The following EPHA6 variants were observed in gnomAD, a reference collection of about 807,000 sequenced individuals.
The protein encoded by EPHA6 is ephrin type-A receptor 6.
A neutral mutation model predicts 112.0 loss-of-function variants in EPHA6; 50 were observed. That is an observed-to-expected ratio of 0.45 (90% CI 0.36 to 0.56). The LOEUF is 0.56. Ranked by LOEUF, EPHA6 falls within the 20% of genes least tolerant of loss-of-function variation. The probability of loss-of-function intolerance (pLI) is 0.00; values close to 1 mark genes in which losing one functional copy is unlikely to be tolerated. For synonymous variants in EPHA6, 529 were observed against 490.7 expected (o/e 1.08, Z -1.03); for missense variants, 1,280 against 1,417.4 (o/e 0.90, Z 1.56).
intron 3 of EPHA6, among the ~76,000 whole-genome samples, chr3:97,135,976 T>C (rs1416926732): frequency 2.6e-5 from 4 of 152,172 alleles, no homozygotes; most frequent in African/African-American, 4.8e-5. Context: ...CTGCATTATA[T>C]AGACGGAGTC....
chr3:97,481,616 C>T (rs1286773919), intron 9 of EPHA6: 3 of 481,224 alleles, frequency 6.2e-6, no homozygotes, highest in South Asian at 3.8e-5. Context: ...GCAGCTGTTG[C>T]GCCCTCCCTA....
At chr3:97,197,237 A>G (rs1325575082) in intron 3 of EPHA6, among the ~76,000 whole-genome samples, 1 of 151,998 alleles carries the variant, frequency 6.6e-6, no homozygotes, top group Non-Finnish European at 1.5e-5. Flanking sequence ...CTCAAACAGA[A>G]AGAATCTCTC....
intron 1 of EPHA6, among the ~76,000 whole-genome samples, chr3:96,817,958 C>T (rs1054760424): frequency 5.9e-5 from 9 of 151,844 alleles, no homozygotes; most frequent in Non-Finnish European, 1.3e-4. Context: ...TTCCTATGAA[C>T]CAAACCTCCT....
chr3:96,956,398 A>C (rs1402360281), intron 2 of EPHA6, among the ~76,000 whole-genome samples: 4 of 152,218 alleles, frequency 2.6e-5, no homozygotes, highest in Non-Finnish European at 5.9e-5. Flanking sequence ...GCAGAATTCA[A>C]ATGGAAACAA....
chr3:97,513,034 G>A (rs1330031341), intron 10 of EPHA6, among the ~76,000 whole-genome samples: 1 of 152,052 alleles, frequency 6.6e-6, no homozygotes, highest in Non-Finnish European at 1.5e-5. Flanking sequence ...TACCGATGCA[G>A]GTGTCTATCA....
At chr3:97,314,152 A>C (rs1288165782) in intron 5 of EPHA6, among the ~76,000 whole-genome samples, 1 of 151,466 alleles carries the variant, frequency 6.6e-6, no homozygotes, top group African/African-American at 2.4e-5. Context: ...TCCATTGTGT[A>C]TTCTTGGCAC....
chr3:96,970,736 A>T (rs2042286529), intron 2 of EPHA6, among the ~76,000 whole-genome samples: 1 of 152,066 alleles, frequency 6.6e-6, no homozygotes, highest in Non-Finnish European at 1.5e-5. Context: ...GTCTACGTAA[A>T]TTTATCTTGA....
At chr3:97,303,014 C>T (rs2081159197) in intron 5 of EPHA6, among the ~76,000 whole-genome samples, 8 of 151,712 alleles carry the variant, frequency 5.3e-5, no homozygotes. Flanking sequence ...GGAATATTCA[C>T]TCAAGTAATG....
In EPHA6 at chr3:97,005,565, G is replaced by A. The variant is rs182455688; in HGVS notation, c.1114+17572G>A. Among the ~76,000 whole-genome samples, 5 of 152,290 alleles carry A rather than the reference G, an allele frequency of 3.3e-5. No individual in the cohort carries two copies. In the East Asian group the frequency reaches 9.6e-4, roughly 29 times the overall value. ...TATAAAATCATGTCGTCTACAAACA[G>A]AGACAGCTTGACTTCCTCCCTTCCT... On this transcript the variant is annotated intron_variant, in intron 3 of 17. Coordinates refer to ENST00000389672, the MANE Select transcript of EPHA6 (RefSeq NM_001080448.3).
chr3:97,051,626 A>G (rs2045687874), intron 3 of EPHA6, among the ~76,000 whole-genome samples: 1 of 152,134 alleles, frequency 6.6e-6, no homozygotes. Context: ...TTTAAAACTC[A>G]TTTGATGTTA....
chr3:97,494,703 G>A (rs1246809231), intron 10 of EPHA6, among the ~76,000 whole-genome samples: 1 of 151,878 alleles, frequency 6.6e-6, no homozygotes, highest in Non-Finnish European at 1.5e-5. Context: ...AAAAAAAAGT[G>A]CTTCCTTATA....
At chr3:96,899,752 A>G (rs1435085666) in intron 2 of EPHA6, among the ~76,000 whole-genome samples, 5 of 152,306 alleles carry the variant, frequency 3.3e-5, no homozygotes, top group African/African-American at 9.6e-5. Context: ...GTCCTGTTGC[A>G]TGGAGGGTGC....
At chr3:97,208,648 G>A (rs2077779873) in intron 3 of EPHA6, among the ~76,000 whole-genome samples, 1 of 152,030 alleles carries the variant, frequency 6.6e-6, no homozygotes, top group Admixed American at 6.6e-5. Flanking sequence ...TTGGCAGGCT[G>A]AGGCACAAGA....
intron 14 of EPHA6, among the ~76,000 whole-genome samples, chr3:97,673,773 G>A (rs973189862): frequency 6.6e-6 from 1 of 152,208 alleles, no homozygotes; most frequent in African/African-American, 2.4e-5. Flanking sequence ...AGGAATGGAG[G>A]ACTCATGCCC....
Position 97,687,672 on chromosome 3 carries a change from CAG to C in EPHA6, c.2785-32587_2785-32586del, listed in dbSNP as rs547533310. ...GTTGAAATGATTAATGTAAACAAAACAGATAATTTGTTAAAGCTATTGGTGTG... is the reference window on the plus strand; with the variant it reads ...GTTGAAATGATTAATGTAAACAAAACATAATTTGTTAAAGCTATTGGTGTG... On this transcript the variant is annotated intron_variant, in intron 14 of 17. Transcript: ENST00000389672. 2.0e-4 allele frequency among the ~76,000 whole-genome samples: 31 copies of C among 152,290 alleles called. No individual in the cohort carries two copies. The South Asian group carries it at 4.1e-3, about 20-fold the overall frequency.
chr3:97,285,554 A>C (rs1049892888), intron 5 of EPHA6, among the ~76,000 whole-genome samples: 2 of 152,114 alleles, frequency 1.3e-5, no homozygotes, highest in African/African-American at 4.8e-5. Flanking sequence ...ATTGCTGCAC[A>C]TAATTTTATT....
At chr3:97,157,349 C>T (rs75235223) in intron 3 of EPHA6, among the ~76,000 whole-genome samples, 1,905 of 152,088 alleles carry the variant, frequency 0.013, 50 homozygotes, top group African/African-American at 0.043. Context: ...TAATGAATTT[C>T]CAGAGGTTAT....
chr3:97,138,883 T>C lies in EPHA6; in HGVS notation c.1115-87381T>C, dbSNP rs766443289. On this transcript the variant is annotated intron_variant, in intron 3 of 17. Coordinates refer to ENST00000389672, the MANE Select transcript of EPHA6 (RefSeq NM_001080448.3). ...TGGACTGCTTGGGAACTAGCCTAAT[T>C]ATTCTGGCTACTGCCAGTGGAGACC... Among the ~76,000 whole-genome samples, 40 of 152,108 alleles carry C rather than the reference T, an allele frequency of 2.6e-4. 1 individual carries two copies. Among genetic ancestry groups the C allele is most frequent in the Middle Eastern group, 6.3e-3 (2 of 316 alleles).
At chr3:97,516,466 A>G (rs1035298000) in intron 10 of EPHA6, among the ~76,000 whole-genome samples, 2 of 152,228 alleles carry the variant, frequency 1.3e-5, no homozygotes, top group East Asian at 3.8e-4. Context: ...TGTAGAAGGT[A>G]TGCTATATAT....
Sources: gnomAD v4.1 joint callset for allele counts (sites outside exome capture counted in the v4.1 genomes callset) on GRCh38, gnomAD v4.1.1 for gene constraint, MANE v1.5 for transcripts, NCBI Gene and HGNC (gene_info 2026-07-23, HGNC 2026-07-21) for gene names.